UNC5D: variants seen among roughly 807,000 people sequenced by gnomAD.
The protein encoded by UNC5D is netrin receptor UNC5D.
A neutral mutation model predicts 105.4 loss-of-function variants in UNC5D; 39 were observed. That is an observed-to-expected ratio of 0.37 (90% CI 0.29 to 0.48). The LOEUF is 0.48. UNC5D is among the 20% of genes least tolerant of loss of function. UNC5D has a pLI of 0.98. For missense variants in UNC5D, 991 were observed against 1,202.4 expected (o/e 0.82, Z 2.60); for synonymous variants, 452 against 450.4 (o/e 1.00, Z -0.04).
chr8:35,707,410 G>A (rs1827654924), intron 8 of UNC5D, among the ~76,000 whole-genome samples: 1 of 152,154 alleles, frequency 6.6e-6, no homozygotes, highest in Admixed American at 6.5e-5. Flanking sequence ...CTGACATCAT[G>A]CATGTTTGAT....
At chr8:35,575,565 C>T (rs2067700) in intron 3 of UNC5D, among the ~76,000 whole-genome samples, 13,641 of 152,106 alleles carry the variant, frequency 0.09, 656 homozygotes, top group Middle Eastern at 0.099. Context: ...CTGGAAGAGG[C>T]CTAAACTGCC....
intron 1 of UNC5D, among the ~76,000 whole-genome samples, chr8:35,495,833 G>C (rs1201126280): frequency 6.6e-6 from 1 of 152,106 alleles, no homozygotes; most frequent in African/African-American, 2.4e-5. Flanking sequence ...AATAAAAGGT[G>C]TTAATATCTA....
intron 8 of UNC5D, among the ~76,000 whole-genome samples, chr8:35,716,070 A>G (rs1202975078): frequency 6.6e-6 from 1 of 152,166 alleles, no homozygotes; most frequent in Non-Finnish European, 1.5e-5. Context: ...ATAGTTAGTG[A>G]CTTCCTCCAG....
rs1196505213 is a variant in UNC5D at position 35,790,951 on chromosome 8, T to A, written c.*388T>A. 1 of 208,198 alleles carries A rather than the reference T, an allele frequency of 4.8e-6. No homozygotes were observed. The highest frequency in any genetic ancestry group is 9.9e-6 in the Non-Finnish European group (1 of 101,184). 12.9% of individuals were successfully genotyped at this position (208,198 alleles called of 1,614,324 possible). A position where few individuals can be genotyped will look rare whatever the true frequency, so the allele number is the denominator to read the frequency against. ...TGATGTGCCCCAAAGGGCCAGCTGATTCTGGTACTAGATTGTCAGAGTTTT... is the reference window on the plus strand; with the variant it reads ...TGATGTGCCCCAAAGGGCCAGCTGAATCTGGTACTAGATTGTCAGAGTTTT... On this transcript the variant is annotated 3_prime_UTR_variant, in exon 17 of 17. Coordinates refer to ENST00000404895, the MANE Select transcript of UNC5D (RefSeq NM_080872.4).
At chr8:35,592,108 A>G (rs1482953442) in intron 3 of UNC5D, among the ~76,000 whole-genome samples, 1 of 152,152 alleles carries the variant, frequency 6.6e-6, no homozygotes, top group Non-Finnish European at 1.5e-5. Flanking sequence ...GTTTTCTGCA[A>G]TATTCAATAT....
Position 35,608,714 on chromosome 8 carries a change from T to C in UNC5D, c.570+13057T>C, listed in dbSNP as rs80121783. On this transcript the variant is annotated intron_variant, in intron 4 of 16. Coordinates refer to ENST00000404895, the MANE Select transcript of UNC5D (RefSeq NM_080872.4). ...CTTTGTCTGAGTCATTCCATTAACA[T>C]AATGTCTCTGGTTCCATTCATGTTG... Among the ~76,000 whole-genome samples, 324 of 152,344 alleles carry C rather than the reference T, an allele frequency of 2.1e-3. 1 individual carries two copies. Among genetic ancestry groups the C allele is most frequent in the African/African-American group, 6.4e-3 (266 of 41,592 alleles).
chr8:35,564,856 C>T (rs1817220195), intron 2 of UNC5D, among the ~76,000 whole-genome samples: 1 of 152,144 alleles, frequency 6.6e-6, no homozygotes, highest in Non-Finnish European at 1.5e-5. Context: ...TATTTGGTTT[C>T]CCATTCCTGA....
chr8:35,474,908 A>G (rs1053635520), intron 1 of UNC5D, among the ~76,000 whole-genome samples: 1 of 152,184 alleles, frequency 6.6e-6, no homozygotes, highest in African/African-American at 2.4e-5. Context: ...ACATCCCCTT[A>G]GGTGGGGCAT....
intron 1 of UNC5D, among the ~76,000 whole-genome samples, chr8:35,418,372 G>A (rs577331489): frequency 3.3e-5 from 5 of 152,186 alleles, no homozygotes; most frequent in Non-Finnish European, 2.9e-5. Context: ...TTCCATCTGC[G>A]AGTGCCAAAA....
At chr8:35,379,439 G>A (rs1283339220) in intron 1 of UNC5D, among the ~76,000 whole-genome samples, 2 of 152,180 alleles carry the variant, frequency 1.3e-5, no homozygotes, top group Non-Finnish European at 2.9e-5. Context: ...TCTACCCTAA[G>A]AGACTGAGTG....
intron 11 of UNC5D, among the ~76,000 whole-genome samples, chr8:35,736,303 C>T (rs574981544): frequency 6.7e-4 from 102 of 152,196 alleles, no homozygotes; most frequent in African/African-American, 2.3e-3. Context: ...CATGGGAGGT[C>T]GAGGCTGCTG....
chr8:35,294,081 T>C (rs1807281810), intron 1 of UNC5D, among the ~76,000 whole-genome samples: 1 of 152,200 alleles, frequency 6.6e-6, no homozygotes, highest in African/African-American at 2.4e-5. Flanking sequence ...ATTTTTGTTG[T>C]CCAGGCCTTC....
In UNC5D at chr8:35,479,608, G is replaced by A. The variant is rs141676466; in HGVS notation, c.104-69684G>A. Among the ~76,000 whole-genome samples the A allele has an allele frequency of 2.3e-4, 35 of 152,174 alleles. No individual in the cohort carries two copies. In the East Asian group the frequency reaches 2.9e-3, roughly 13 times the overall value. On this transcript the variant is annotated intron_variant, in intron 1 of 16. Transcript: ENST00000404895. ...ATACACCATGGAATAGTACACAGCC[G>A]TATAAAAGAATGACATCATGTTGTG...
At chr8:35,766,587 A>G (rs1801778177) in intron 14 of UNC5D, among the ~76,000 whole-genome samples, 2 of 152,166 alleles carry the variant, frequency 1.3e-5, no homozygotes, top group South Asian at 4.1e-4. Context: ...GGGGAATGAA[A>G]ATGATAATTT....
intron 1 of UNC5D, among the ~76,000 whole-genome samples, chr8:35,492,247 T>C (rs1811262664): frequency 6.6e-6 from 1 of 152,126 alleles, no homozygotes; most frequent in Non-Finnish European, 1.5e-5. Flanking sequence ...CACTAAGCTC[T>C]GAGGGAGAGC....
chr8:35,749,491 C>T (rs1208211424), intron 12 of UNC5D, among the ~76,000 whole-genome samples: 2 of 152,146 alleles, frequency 1.3e-5, no homozygotes, highest in East Asian at 1.9e-4. Context: ...CACTTCAGGC[C>T]AAAGAAGTAA....
intron 4 of UNC5D, among the ~76,000 whole-genome samples, chr8:35,604,873 G>A (rs187979198): frequency 1.1e-4 from 17 of 152,182 alleles, no homozygotes; most frequent in East Asian, 5.8e-4. Flanking sequence ...CGTAGTTCTC[G>A]TGCCATGGTT....
intron 1 of UNC5D, among the ~76,000 whole-genome samples, chr8:35,276,119 C>A (rs1018675997): frequency 5.9e-5 from 9 of 152,128 alleles, no homozygotes; most frequent in African/African-American, 2.2e-4. Context: ...TCTATTTAAT[C>A]ACTCTTCTTA....
At chr8:35,514,951 A>C (rs1813016433) in intron 1 of UNC5D, among the ~76,000 whole-genome samples, 1 of 152,148 alleles carries the variant, frequency 6.6e-6, no homozygotes, top group African/African-American at 2.4e-5. Context: ...GAAAGTTTAT[A>C]CTGTGGATCC....
Sources: gnomAD v4.1 joint callset for allele counts (sites outside exome capture counted in the v4.1 genomes callset) on GRCh38, gnomAD v4.1.1 for gene constraint, MANE v1.5 for transcripts, NCBI Gene and HGNC (gene_info 2026-07-23, HGNC 2026-07-21) for gene names.